FSIP1: variants seen among roughly 807,000 people sequenced by gnomAD.
FSIP1 encodes the protein fibrous sheath-interacting protein 1.
A neutral mutation model predicts 60.9 loss-of-function variants in FSIP1; 65 were observed. The observed-to-expected ratio is 1.07, with a 90% CI of 0.87 to 1.31. FSIP1 has a LOEUF of 1.31. FSIP1 is among the 40% of genes most tolerant of loss of function. The pLI is 0.00. For synonymous variants in FSIP1, 209 were observed against 221.2 expected (o/e 0.94, Z 0.49); for missense variants, 675 against 665.5 (o/e 1.01, Z -0.16).
At chr15:39,651,567 G>A (rs546796024) in intron 10 of FSIP1, among the ~76,000 whole-genome samples, 1 of 152,292 alleles carries the variant, frequency 6.6e-6, no homozygotes, top group Admixed American at 6.5e-5. Flanking sequence ...ATTTCATAGA[G>A]TTGTCCTGGG....
At chr15:39,774,684 C>T (rs1035185436) in intron 2 of FSIP1, among the ~76,000 whole-genome samples, 7 of 152,156 alleles carry the variant, frequency 4.6e-5, no homozygotes, top group African/African-American at 9.7e-5. Flanking sequence ...TCTGGACGTA[C>T]GTTAGGATAA....
At chr15:39,659,661 T>C (rs900220066) in intron 10 of FSIP1, among the ~76,000 whole-genome samples, 2 of 141,480 alleles carry the variant, frequency 1.4e-5, no homozygotes, top group Admixed American at 7.0e-5. Context: ...GCTTTTCAAA[T>C]CCTTCCTGAA....
intron 10 of FSIP1, among the ~76,000 whole-genome samples, chr15:39,657,994 C>T (rs770088372): frequency 9.9e-5 from 15 of 152,274 alleles, no homozygotes; most frequent in Admixed American, 1.3e-4. Context: ...AATACAAAAA[C>T]GCTCTGACAC....
At chr15:39,762,006 T>G (rs1249205858) in intron 5 of FSIP1, among the ~76,000 whole-genome samples, 2 of 152,210 alleles carry the variant, frequency 1.3e-5, no homozygotes, top group Non-Finnish European at 2.9e-5. Flanking sequence ...TCCCTTTGGC[T>G]GGAGATGCCT....
intron 10 of FSIP1, among the ~76,000 whole-genome samples, chr15:39,687,936 T>C (rs1316569552): frequency 6.6e-6 from 1 of 152,162 alleles, no homozygotes; most frequent in Non-Finnish European, 1.5e-5. Context: ...AAGGAATCTC[T>C]AACTCCCAAA....
At chr15:39,734,243 A>C (rs778507706) in intron 8 of FSIP1, among the ~76,000 whole-genome samples, 42 of 152,236 alleles carry the variant, frequency 2.8e-4, no homozygotes, top group Admixed American at 5.9e-4. Flanking sequence ...TGAATACACA[A>C]ACACTCAAAA....
chr15:39,643,347 T>C (rs954010478), intron 10 of FSIP1, among the ~76,000 whole-genome samples: 2 of 152,296 alleles, frequency 1.3e-5, no homozygotes, highest in Middle Eastern at 3.4e-3. Flanking sequence ...TTAGAGAAAA[T>C]GAAAAATGAG....
At chr15:39,661,987 A>G (rs1893313900) in intron 10 of FSIP1, among the ~76,000 whole-genome samples, 1 of 152,178 alleles carries the variant, frequency 6.6e-6, no homozygotes, top group Non-Finnish European at 1.5e-5. Context: ...TCTTTGAAAA[A>G]TTATTAGATC....
intron 10 of FSIP1, among the ~76,000 whole-genome samples, chr15:39,629,458 C>T (rs1334406587): frequency 5.9e-5 from 9 of 152,284 alleles, no homozygotes; most frequent in East Asian, 1.9e-4. Context: ...TCTCTTCAAG[C>T]GCAGGGCTGA....
At chr15:39,761,438 G>A (rs1229943288) in intron 5 of FSIP1, among the ~76,000 whole-genome samples, 1 of 152,190 alleles carries the variant, frequency 6.6e-6, no homozygotes, top group Non-Finnish European at 1.5e-5. Context: ...AATAGAATTA[G>A]AGGACATTAT....
intron 10 of FSIP1, among the ~76,000 whole-genome samples, chr15:39,635,058 G>A (rs1434875932): frequency 1.3e-5 from 2 of 152,342 alleles, no homozygotes; most frequent in Non-Finnish European, 2.9e-5. Context: ...CATTTGGGCT[G>A]GGTGCGGTAG....
At chr15:39,716,190 T>C (rs7182423) in intron 9 of FSIP1, among the ~76,000 whole-genome samples, 18,895 of 151,974 alleles carry the variant, frequency 0.12, 1,400 homozygotes, top group African/African-American at 0.2. Context: ...GTCAGCATTT[T>C]ATAAACTTTC....
intron 11 of FSIP1, among the ~76,000 whole-genome samples, chr15:39,603,965 G>A (rs1483573749): frequency 6.6e-6 from 1 of 152,114 alleles, no homozygotes; most frequent in African/African-American, 2.4e-5. Flanking sequence ...TTTTGTTGTT[G>A]TTGTTGCCCA....
At chr15:39,682,590 T>C (rs1311094348) in intron 10 of FSIP1, among the ~76,000 whole-genome samples, 1 of 152,150 alleles carries the variant, frequency 6.6e-6, no homozygotes, top group Non-Finnish European at 1.5e-5. Flanking sequence ...GACCATTGTG[T>C]CTCTAGACTT....
intron 1 of FSIP1, among the ~76,000 whole-genome samples, chr15:39,781,248 T>C (rs1188557698): frequency 6.6e-6 from 1 of 151,838 alleles, no homozygotes; most frequent in African/African-American, 2.4e-5. Flanking sequence ...AAAAATAAAA[T>C]AAAAATCACA....
At chr15:39,634,320 A>G (rs1595555539) in intron 10 of FSIP1, among the ~76,000 whole-genome samples, 1 of 152,166 alleles carries the variant, frequency 6.6e-6, no homozygotes, top group Non-Finnish European at 1.5e-5. Flanking sequence ...TGGTCTTACT[A>G]TCACCAAATC....
chr15:39,751,418 AACAC>A (rs3065153), intron 5 of FSIP1, among the ~76,000 whole-genome samples: 79,159 of 144,570 alleles, frequency 0.55, 21,546 homozygotes, highest in South Asian at 0.63. Flanking sequence ...GTAATACATA[AACAC>A]ACACACACAC....
intron 10 of FSIP1, among the ~76,000 whole-genome samples, chr15:39,629,647 T>C (rs975380797): frequency 1.3e-5 from 2 of 152,192 alleles, no homozygotes; most frequent in African/African-American, 4.8e-5. Context: ...AATCCTGAGG[T>C]GTGCTTCCTC....
chr15:39,709,782 G>A (rs577296224), intron 10 of FSIP1, among the ~76,000 whole-genome samples: 11 of 152,214 alleles, frequency 7.2e-5, no homozygotes, highest in Middle Eastern at 3.4e-3. Context: ...AACAGGACTC[G>A]CGCTCCTATG....
Sources: gnomAD v4.1 joint callset for allele counts (sites outside exome capture counted in the v4.1 genomes callset) on GRCh38, gnomAD v4.1.1 for gene constraint, MANE v1.5 for transcripts, NCBI Gene and HGNC (gene_info 2026-07-23, HGNC 2026-07-21) for gene names.